ITGB1BP1: variants seen among roughly 807,000 people sequenced by gnomAD.
The protein encoded by ITGB1BP1 is integrin subunit beta 1 binding protein 1, also known as integrin beta-1-binding protein 1.
A neutral mutation model predicts 28.0 loss-of-function variants in ITGB1BP1; 20 were observed. The ratio of observed to expected loss-of-function variants is 0.71; its 90% CI spans 0.50 to 1.04. The LOEUF (loss-of-function observed/expected upper bound fraction) is 1.04, where lower values mean the gene tolerates loss of function less well. ITGB1BP1 is among the 50% of genes least tolerant of loss of function. ITGB1BP1 has a pLI of 0.00. For missense variants in ITGB1BP1, 228 were observed against 242.5 expected (o/e 0.94, Z 0.40); for synonymous variants, 103 against 89.5 (o/e 1.15, Z -0.85).
In ITGB1BP1 at chr2:9,412,244, G is replaced by A; in HGVS notation, c.288+25C>T. ...GGCTCCCCAGACTCTCATAACCAGA[G>A]AGTTACGGAATTTTTTTTTTTTACC... is the stretch of plus-strand genomic sequence containing the variant. On this transcript the variant is annotated intron_variant, in intron 4 of 6. Coordinates refer to ENST00000355346, the MANE Select transcript of ITGB1BP1 (RefSeq NM_004763.5). 1.9e-6 allele frequency: 3 copies of A among 1,582,898 alleles called. No homozygotes were observed. The African/African-American group carries it at 4.1e-5, about 21-fold the overall frequency.
At chr2:9,413,016 T>A (rs1678648470) in intron 3 of ITGB1BP1, among the ~76,000 whole-genome samples, 1 of 152,232 alleles carries the variant, frequency 6.6e-6, no homozygotes. Flanking sequence ...CAGCAACGGT[T>A]GAAGAGCTGT....
rs1451313680 is a variant in ITGB1BP1 at position 9,404,722 on chromosome 2, G to GC, written c.*2111dup. 2.7e-5 allele frequency: 4 copies of GC among 149,298 alleles called. No homozygotes were observed. Among genetic ancestry groups the GC allele is most frequent in the African/African-American group, 1.0e-4 (4 of 39,218 alleles). 9.2% of individuals were successfully genotyped at this position (149,298 alleles called of 1,614,324 possible). ...GATTGAAGCAGCTTGTCTTTATTATGCAAGACTGTGTAGAGTTTTTTTTTT... is the reference window on the plus strand; with the variant it reads ...GATTGAAGCAGCTTGTCTTTATTATGCCAAGACTGTGTAGAGTTTTTTTTTT... On this transcript the variant is annotated 3_prime_UTR_variant, in exon 7 of 7. Coordinates refer to ENST00000355346, the MANE Select transcript of ITGB1BP1 (RefSeq NM_004763.5).
At chr2:9,411,854 C>T (rs866345098) in intron 4 of ITGB1BP1, among the ~76,000 whole-genome samples, 40 of 151,844 alleles carry the variant, frequency 2.6e-4, no homozygotes, top group Admixed American at 5.9e-4. Flanking sequence ...ACCAGCCTGA[C>T]CAACATGGAA....
intron 1 of ITGB1BP1, among the ~76,000 whole-genome samples, chr2:9,421,317 C>T (rs182682937): frequency 6.6e-6 from 1 of 152,148 alleles, no homozygotes; most frequent in Non-Finnish European, 1.5e-5. Context: ...ATCAACCCAG[C>T]GGCTTAGGAA....
chr2:9,409,875 G>A (rs960366482), intron 4 of ITGB1BP1, among the ~76,000 whole-genome samples: 20 of 125,608 alleles, frequency 1.6e-4, no homozygotes, highest in African/African-American at 5.7e-4. Flanking sequence ...ACGGAGTTCT[G>A]CTCTTGTTGC....
intron 5 of ITGB1BP1, 150 bp downstream of exon 5, chr2:9,407,960 TAAG>T (rs1397260591): frequency 3.3e-6 from 2 of 607,458 alleles, no homozygotes; most frequent in Non-Finnish European, 5.9e-6. Flanking sequence ...CTATTCACCT[TAAG>T]AAATTGGTCA....
chr2:9,412,187 G>C (rs758842989), intron 4 of ITGB1BP1, 82 bp downstream of exon 4: 4 of 1,246,804 alleles, frequency 3.2e-6, no homozygotes, highest in Admixed American at 1.9e-5. Context: ...GTGGACCCGA[G>C]GAGTGAGCAT....
intron 4 of ITGB1BP1, among the ~76,000 whole-genome samples, chr2:9,409,696 A>C (rs772576822): frequency 6.6e-6 from 1 of 152,202 alleles, no homozygotes; most frequent in Non-Finnish European, 1.5e-5. Flanking sequence ...TTGAAAAACG[A>C]GTTACTTGGA....
At position 9,405,332 on chromosome 2, in the gene ITGB1BP1, TTA is replaced by T. The variant is rs1166625983; in HGVS notation, c.*1500_*1501del. The T allele has an allele frequency of 6.6e-6, 1 of 152,582 alleles. No individual in the cohort carries two copies. Among genetic ancestry groups the T allele is most frequent in the East Asian group, 1.9e-4 (1 of 5,204 alleles). The allele number at this position is 152,582 out of a possible 1,614,324, so 9.5% of individuals were successfully genotyped here. ...GTAGATATCTATTTATATTTAAAGT[TTA>T]TGTTTCATGAACTGCAGCTGCAGGA... On this transcript the variant is annotated 3_prime_UTR_variant, in exon 7 of 7. Coordinates refer to ENST00000355346, the MANE Select transcript of ITGB1BP1 (RefSeq NM_004763.5).
At chr2:9,423,091 G>A in intron 1 of ITGB1BP1, 1 of 1,014,330 alleles carries the variant, frequency 9.9e-7, no homozygotes, top group South Asian at 3.3e-5. Flanking sequence ...AAGAGGCAAG[G>A]AAACGGCCCG....
At chr2:9,420,976 C>CT (rs1679765670) in intron 1 of ITGB1BP1, among the ~76,000 whole-genome samples, 1 of 152,194 alleles carries the variant, frequency 6.6e-6, no homozygotes. Flanking sequence ...GCACAGGACA[C>CT]TTGTCAGTGA....
Position 9,423,030 on chromosome 2 carries a change from A to G in ITGB1BP1, c.-36+343T>C, listed in dbSNP as rs373472197. 491 of 993,918 alleles carry G rather than the reference A, an allele frequency of 4.9e-4. 1 individual carries two copies. In the African/African-American group the frequency reaches 8.0e-3, roughly 16 times the overall value. The allele number at this position is 993,918 out of a possible 1,614,324, so 61.6% of individuals were successfully genotyped here. On this transcript the variant is annotated intron_variant, in intron 1 of 6. Transcript: ENST00000355346. ...TGCGGAGGATGTGACAGCGAAGGGG[A>G]CAGACAACCCCGACCCTGAGAGGCG...
rs1258047113 is a variant in ITGB1BP1, at chr2:9,404,510, T to C, written c.*2324A>G. Reference sequence around the variant, plus strand: ...ATTCGTTTAATGAACTTGACTGTCATACCTCTATTTAGTAATTGCGAGGGT... The same window carrying C: ...ATTCGTTTAATGAACTTGACTGTCACACCTCTATTTAGTAATTGCGAGGGT... On this transcript the variant is annotated 3_prime_UTR_variant, in exon 7 of 7. Transcript: ENST00000355346. The C allele has an allele frequency of 1.3e-5, 2 of 152,294 alleles. No homozygotes were observed. The highest frequency in any genetic ancestry group is 4.8e-5 in the African/African-American group (2 of 41,452). The allele number at this position is 152,294 out of a possible 1,614,324, so 9.4% of individuals were successfully genotyped here. A position where few individuals can be genotyped will look rare whatever the true frequency, so the allele number is the denominator to read the frequency against.
chr2:9,403,609 G>A lies in ITGB1BP1; in HGVS notation c.*3225C>T. The A allele has an allele frequency of 2.8e-6, 1 of 359,262 alleles. No individual in the cohort carries two copies. The highest frequency in any genetic ancestry group is 2.1e-5 in the African/African-American group (1 of 47,314). 22.3% of individuals were successfully genotyped at this position (359,262 alleles called of 1,614,324 possible). A position where few individuals can be genotyped will look rare whatever the true frequency, so the allele number is the denominator to read the frequency against. On this transcript the variant is annotated 3_prime_UTR_variant, in exon 7 of 7. Transcript: ENST00000355346. The stretch of plus-strand genomic sequence containing the variant: ...AACTATTATACATAATCAAGATCCT[G>A]CCTCTACGGAATTAGCTAAACCTAA...
chr2:9,407,127 AG>A, intron 6 of ITGB1BP1: 1 of 605,556 alleles, frequency 1.7e-6, no homozygotes, highest in Non-Finnish European at 2.9e-6. Context: ...CAGCCTGCAA[AG>A]GCTGATCACG....
rs1001818087 is a variant in ITGB1BP1 at position 9,407,188 on chromosome 2, T to G, written c.531+261A>C. The G allele has an allele frequency of 5.0e-6, 3 of 602,492 alleles. No homozygotes were observed. In the South Asian group the frequency reaches 6.2e-5, roughly 12 times the overall value. The allele number at this position is 602,492 out of a possible 1,614,324, so 37.3% of individuals were successfully genotyped here. On this transcript the variant is annotated intron_variant, in intron 6 of 6. Transcript: ENST00000355346. Reference sequence around the variant, plus strand: ...GGAAATGGAAGAAGCCTTCGGCCCCTGGAGGATACATTTTTCCTCAGCTGC... The same window carrying G: ...GGAAATGGAAGAAGCCTTCGGCCCCGGGAGGATACATTTTTCCTCAGCTGC...
At chr2:9,409,791 C>T (rs1678059660) in intron 4 of ITGB1BP1, among the ~76,000 whole-genome samples, 1 of 151,706 alleles carries the variant, frequency 6.6e-6, no homozygotes, top group South Asian at 2.1e-4. Flanking sequence ...ACTTTATATT[C>T]CCAACTAAAT....
chr2:9,407,234 C>A (rs10929580), intron 6 of ITGB1BP1: 310,245 of 613,138 alleles, frequency 0.51, 84,651 homozygotes, highest in Middle Eastern at 0.63. Flanking sequence ...TTTTAAATCC[C>A]GGCACAAGCG....
At position 9,406,789 on chromosome 2, in the gene ITGB1BP1, C is replaced by T. The variant is rs1202097060; in HGVS notation, c.*45G>A. ...ACATTTCAGCATTGCAGTTTGAAAACAGCTGAACTTTCAGATGAAGTTGAC... is the reference window on the plus strand; with the variant it reads ...ACATTTCAGCATTGCAGTTTGAAAATAGCTGAACTTTCAGATGAAGTTGAC... On this transcript the variant is annotated 3_prime_UTR_variant, in exon 7 of 7. Coordinates refer to ENST00000355346, the MANE Select transcript of ITGB1BP1 (RefSeq NM_004763.5). 1 of 1,313,672 alleles carries T rather than the reference C, an allele frequency of 7.6e-7. No individual in the cohort carries two copies. The highest frequency in any genetic ancestry group is 2.3e-5 in the East Asian group (1 of 43,522). The allele number at this position is 1,313,672 out of a possible 1,614,324, so 81.4% of individuals were successfully genotyped here. A position where few individuals can be genotyped will look rare whatever the true frequency, so the allele number is the denominator to read the frequency against.
Sources: gnomAD v4.1 joint callset for allele counts (sites outside exome capture counted in the v4.1 genomes callset) on GRCh38, gnomAD v4.1.1 for gene constraint, MANE v1.5 for transcripts, NCBI Gene and HGNC (gene_info 2026-07-23, HGNC 2026-07-21) for gene names.